CELSR3: variants seen among roughly 807,000 people sequenced by gnomAD.
CELSR3 encodes EGF-like protein 1.
A neutral mutation model predicts 270.0 loss-of-function variants in CELSR3; 73 were observed. The observed-to-expected ratio is 0.27, with a 90% CI of 0.22 to 0.33. The LOEUF (loss-of-function observed/expected upper bound fraction) is 0.33. Among genes scored for constraint, CELSR3 ranks in the 10% least tolerant of loss-of-function variants. The pLI is 1.00. For synonymous variants in CELSR3, 1,780 were observed against 1,905.4 expected (o/e 0.93, Z 1.71); for missense variants, 3,614 against 4,533.8 (o/e 0.80, Z 5.83).
Position 48,661,817 on chromosome 3 carries a change from G to A in CELSR3, c.818C>T (p.Pro273Leu). The A allele has an allele frequency of 6.2e-7, 1 of 1,609,408 alleles. No individual in the cohort carries two copies. Among genetic ancestry groups the A allele is most frequent in the Non-Finnish European group, 8.5e-7 (1 of 1,179,470 alleles). ...RESRTAPEPAPKRMRSRGLFR... is the reference protein window; with the variant it reads ...RESRTAPEPALKRMRSRGLFR... Reference sequence around the variant, plus strand: ...GAGACCCCGGGAGCGCATGCGCTTGGGCGCCGGCTCGGGAGCTGTCCGAGA... The same window carrying A: ...GAGACCCCGGGAGCGCATGCGCTTGAGCGCCGGCTCGGGAGCTGTCCGAGA... The change falls in exon 1 of 35, where the codon CCC (proline) becomes CTC (leucine). Residue 273 changes from proline to leucine, a missense_variant. By Grantham distance (98) the Pro-to-Leu change is moderately conservative (BLOSUM62 -3). Transcript: ENST00000164024.
In CELSR3 at chr3:48,648,249, C is replaced by CCCCCCCCCCCAA; in HGVS notation, c.6973+16_6973+17insTTGGGGGGGGGG. ...GGCCCCCCTGCTGTGCCCCGCCCTA[C>CCCCCCCCCCCAA]CCCACCCACAACGCACTGATATTAG... is the stretch of plus-strand genomic sequence containing the variant. On this transcript the variant is annotated intron_variant, in intron 19 of 34. Transcript: ENST00000164024. 1 of 728,348 alleles carries CCCCCCCCCCCAA rather than the reference C, an allele frequency of 1.4e-6. No individual in the cohort carries two copies. The highest frequency in any genetic ancestry group is 2.3e-6 in the Non-Finnish European group (1 of 433,730). 45.1% of individuals were successfully genotyped at this position (728,348 alleles called of 1,614,324 possible). A position where few individuals can be genotyped will look rare whatever the true frequency, so the allele number is the denominator to read the frequency against.
Position 48,657,156 on chromosome 3 carries a change from TTGAAGA to T in CELSR3, c.3935_3940del (p.Ile1312_Phe1313del). ...CCCTACGTCTGTGTCGTTCTGGATGTTGAAGATGAAGACGTCCTCAGCGGGCGTAGC... is the reference window on the plus strand; with the variant it reads ...CCCTACGTCTGTGTCGTTCTGGATGTTGAAGACGTCCTCAGCGGGCGTAGC... On this transcript the variant is annotated inframe_deletion, in exon 2 of 35. Transcript: ENST00000164024. The surrounding 1 kb of genome is among the most constrained non-coding windows in gnomAD (Gnocchi z 5.4). 6.2e-7 allele frequency: 1 copy of T among 1,614,004 alleles called. No homozygotes were observed. The highest frequency in any genetic ancestry group is 8.5e-7 in the Non-Finnish European group (1 of 1,179,950).
Position 48,658,790 on chromosome 3 carries a change from G to T in CELSR3, c.3748+97C>A. The T allele has an allele frequency of 6.9e-7, 1 of 1,459,688 alleles. No homozygotes were observed. Among genetic ancestry groups the T allele is most frequent in the Non-Finnish European group, 9.3e-7 (1 of 1,069,528 alleles). The allele number at this position is 1,459,688 out of a possible 1,614,324, so 90.4% of individuals were successfully genotyped here. On this transcript the variant is annotated intron_variant, in intron 1 of 34. Transcript: ENST00000164024. The surrounding 1 kb of genome is among the most constrained non-coding windows in gnomAD (Gnocchi z 4.7). ...CCTACCCTTAAGGGGTTCTTGGAAG[G>T]CTTAGAAATCCCTCTTTGGTTTGAG...
At chr3:48,638,468 C>G (rs1005823492) in intron 34 of CELSR3, among the ~76,000 whole-genome samples, 3 of 152,190 alleles carry the variant, frequency 2.0e-5, no homozygotes, top group Non-Finnish European at 4.4e-5. Flanking sequence ...GCTTCAAGAG[C>G]ACCTACTGTT....
chr3:48,644,191 C>T lies in CELSR3; in HGVS notation c.8165+25G>A. ...GAGGGACCTGCCATCCTGAGAAGCCCCCTTCCTCCAGCCAGCCAACTCACA... is the reference window on the plus strand; with the variant it reads ...GAGGGACCTGCCATCCTGAGAAGCCTCCTTCCTCCAGCCAGCCAACTCACA... On this transcript the variant is annotated intron_variant, in intron 27 of 34. Transcript: ENST00000164024. This position sits in a 1 kb window ranked among gnomAD's most constrained non-coding sequence, Gnocchi z 4.8. 6.3e-7 allele frequency: 1 copy of T among 1,595,476 alleles called. No homozygotes were observed. The highest frequency in any genetic ancestry group is 8.6e-7 in the Non-Finnish European group (1 of 1,165,488).
At position 48,644,348 on chromosome 3, in the gene CELSR3, G is replaced by A. The variant is rs2047059679; in HGVS notation, c.8086-53C>T. 5 of 1,538,620 alleles carry A rather than the reference G, an allele frequency of 3.2e-6. No individual in the cohort carries two copies. The highest frequency in any genetic ancestry group is 4.5e-6 in the Non-Finnish European group (5 of 1,113,108). ...CGGGCAGGGCAGAGAGAGAGAGAGA[G>A]AGAGAGGCAATGAGAGACAGAGAGA... On this transcript the variant is annotated intron_variant, in intron 26 of 34. Transcript: ENST00000164024. The surrounding 1 kb of genome is among the most constrained non-coding windows in gnomAD (Gnocchi z 4.8).
chr3:48,659,218 C>T lies in CELSR3; in HGVS notation c.3417G>A (p.Val1139=), dbSNP rs1371120005. 1.9e-6 allele frequency: 3 copies of T among 1,614,074 alleles called. No individual in the cohort carries two copies. Among genetic ancestry groups the T allele is most frequent in the Non-Finnish European group, 2.5e-6 (3 of 1,180,046 alleles). The change falls in exon 1 of 35, where the codon GTG becomes GTA. Residue 1139 remains valine (V), a synonymous_variant. Coordinates refer to ENST00000164024, the MANE Select transcript of CELSR3 (RefSeq NM_001407.3). The surrounding 1 kb of genome is among the most constrained non-coding windows in gnomAD (Gnocchi z 8.1). The stretch of plus-strand genomic sequence containing the variant: ...GAGCAGATGTGGCCTGCACCACAAT[C>T]ACATATTCTTGGCGAGCCTCATAGT... ...DLDYEARQEY[V]IVVQATSAPL... is the part of the protein sequence containing the mutation.
Position 48,643,619 on chromosome 3 carries a change from G to A in CELSR3, c.8224C>T (p.Leu2742Phe). Residue 2742 changes from leucine to phenylalanine, a missense_variant, in exon 28 of 35, where the codon CTC becomes TTC. Physicochemically the swap from Leu to Phe is conservative, Grantham distance 22 (BLOSUM62 0). Around this residue, in one of 7 missense-constraint regions of CELSR3, gnomAD observed 1,240 missense variants for 1,351.7 expected, o/e 0.92. Transcript: ENST00000164024. ...LLVSASWLFG[L>F]LAVNHSILAF... The stretch of plus-strand genomic sequence containing the variant: ...AGGATGCTGTGGTTGACTGCCAGGA[G>A]CCCAAAGAGCCAGGAGGCACTGACC... The A allele has an allele frequency of 6.4e-7, 1 of 1,551,446 alleles. No homozygotes were observed. The highest frequency in any genetic ancestry group is 8.7e-7 in the Non-Finnish European group (1 of 1,147,094).
chr3:48,646,986 A>G lies in CELSR3; in HGVS notation c.7130-58T>C. On this transcript the variant is annotated intron_variant, in intron 20 of 34. Coordinates refer to ENST00000164024, the MANE Select transcript of CELSR3 (RefSeq NM_001407.3). The surrounding 1 kb of genome is among the most constrained non-coding windows in gnomAD (Gnocchi z 4.8). ...GACCTTTGACCCAAAGCACCCACCA[A>G]CCCAGCTCTGAACCCGATCAAGCAT... 3.5e-5 allele frequency: 51 copies of G among 1,441,916 alleles called. No homozygotes were observed. The highest frequency in any genetic ancestry group is 8.1e-5 in the East Asian group (3 of 36,916). 89.3% of individuals were successfully genotyped at this position (1,441,916 alleles called of 1,614,324 possible). A position where few individuals can be genotyped will look rare whatever the true frequency, so the allele number is the denominator to read the frequency against.
In CELSR3 at chr3:48,644,271, C is replaced by A; in HGVS notation, c.8110G>T (p.Ala2704Ser). The change falls in exon 27 of 35, where the codon GCT becomes TCT. Residue 2704 changes from alanine to serine, a missense_variant. Coordinates refer to ENST00000164024, the MANE Select transcript of CELSR3 (RefSeq NM_001407.3). The surrounding 1 kb of genome is among the most constrained non-coding windows in gnomAD (Gnocchi z 4.8). ...CCTGTGGAGCAGGATGTGCGGGCAG[C>A]GAGGAGAAACATGGTCCCGTTCATC... ...IVMNGTMFLL[A>S]ARTSCSTGQR... The A allele has an allele frequency of 6.2e-7, 1 of 1,612,866 alleles. No homozygotes were observed. Among genetic ancestry groups the A allele is most frequent in the South Asian group, 1.1e-5 (1 of 91,068 alleles).
Position 48,654,927 on chromosome 3 carries a change from G to T in CELSR3, c.4988+117C>A. Reference sequence around the variant, plus strand: ...GTCTTTGAGAGGAGAGGGGAATCTTGGTGGTTTGGGGGAAAGATGGGAGAG... The same window carrying T: ...GTCTTTGAGAGGAGAGGGGAATCTTTGTGGTTTGGGGGAAAGATGGGAGAG... On this transcript the variant is annotated intron_variant, in intron 6 of 34. Transcript: ENST00000164024. The surrounding 1 kb of genome is among the most constrained non-coding windows in gnomAD (Gnocchi z 5.4). 1.9e-6 allele frequency: 2 copies of T among 1,064,016 alleles called. No individual in the cohort carries two copies. The highest frequency in any genetic ancestry group is 2.8e-6 in the Non-Finnish European group (2 of 702,858). 65.9% of individuals were successfully genotyped at this position (1,064,016 alleles called of 1,614,324 possible).
Position 48,660,045 on chromosome 3 carries a change from A to C in CELSR3, c.2590T>G (p.Ser864Ala). Residue 864 changes from serine (S) to alanine (A), a missense_variant, in exon 1 of 35, where the codon TCA becomes GCA. Physicochemically the swap from Ser to Ala is moderately conservative, Grantham distance 99. Coordinates refer to ENST00000164024, the MANE Select transcript of CELSR3 (RefSeq NM_001407.3). The surrounding 1 kb of genome is among the most constrained non-coding windows in gnomAD (Gnocchi z 5.5). ...GGCCGATCTTCATTCACACTCACTG[A>C]GTAGTGGGCACTTTGAAAGACCGGC... ...HRPVFQSAHYSVSVNEDRPMG... is the reference protein window; with the variant it reads ...HRPVFQSAHYAVSVNEDRPMG... 1 of 1,614,206 alleles carries C rather than the reference A, an allele frequency of 6.2e-7. No individual in the cohort carries two copies. Among genetic ancestry groups the C allele is most frequent in the South Asian group, 1.1e-5 (1 of 91,082 alleles).
chr3:48,640,901 G>C lies in CELSR3; in HGVS notation c.9026-342C>G, dbSNP rs183359054. The C allele has an allele frequency of 1.6e-3, 690 of 431,912 alleles. 2 individuals are homozygous for C. Among genetic ancestry groups the C allele is most frequent in the Non-Finnish European group, 2.1e-3 (499 of 241,488 alleles). 26.8% of individuals were successfully genotyped at this position (431,912 alleles called of 1,614,324 possible). On this transcript the variant is annotated intron_variant, in intron 33 of 34. Coordinates refer to ENST00000164024, the MANE Select transcript of CELSR3 (RefSeq NM_001407.3). This position sits in a 1 kb window ranked among gnomAD's most constrained non-coding sequence, Gnocchi z 7.5. ...TGGCTGAAATGCAGGAACCCCCCGG[G>C]TTGGACAGGAGCAGTCCCCAGGTCC...
chr3:48,647,702 G>C lies in CELSR3; in HGVS notation c.7129+139C>G. The stretch of plus-strand genomic sequence containing the variant: ...GGAGGGTGGAGGGGAAATATGGGAG[G>C]GAGGGTGGAGGGGAGATGTGGGAGG... On this transcript the variant is annotated intron_variant, in intron 20 of 34. Transcript: ENST00000164024. 7.8e-6 allele frequency: 6 copies of C among 766,566 alleles called. No individual in the cohort carries two copies. In the South Asian group the frequency reaches 1.0e-4, roughly 13 times the overall value. The allele number at this position is 766,566 out of a possible 1,614,324, so 47.5% of individuals were successfully genotyped here.
In CELSR3 at chr3:48,652,327, C is replaced by A; in HGVS notation, c.5751+110G>T. The A allele has an allele frequency of 1.1e-6, 1 of 919,372 alleles. No individual in the cohort carries two copies. 57.0% of individuals were successfully genotyped at this position (919,372 alleles called of 1,614,324 possible). Reference sequence around the variant, plus strand: ...CTAGCTCTCAACTCTGGGTCATTCACCCCCTCGCACCAACCCCCACTTGAA... The same window carrying A: ...CTAGCTCTCAACTCTGGGTCATTCAACCCCTCGCACCAACCCCCACTTGAA... On this transcript the variant is annotated intron_variant, in intron 11 of 34. Coordinates refer to ENST00000164024, the MANE Select transcript of CELSR3 (RefSeq NM_001407.3). This position sits in a 1 kb window ranked among gnomAD's most constrained non-coding sequence, Gnocchi z 4.3.
chr3:48,652,592 C>T lies in CELSR3; in HGVS notation c.5635-39G>A. ...GGCAGTCAGCACTGAGGGAGAGGGG[C>T]CTGATGAACCCCTGTCATAGCCCAG... is the stretch of plus-strand genomic sequence containing the variant. On this transcript the variant is annotated intron_variant, in intron 10 of 34. Coordinates refer to ENST00000164024, the MANE Select transcript of CELSR3 (RefSeq NM_001407.3). This position sits in a 1 kb window ranked among gnomAD's most constrained non-coding sequence, Gnocchi z 4.3. 2 of 1,463,792 alleles carry T rather than the reference C, an allele frequency of 1.4e-6. No individual in the cohort carries two copies. Among genetic ancestry groups the T allele is most frequent in the Non-Finnish European group, 1.9e-6 (2 of 1,065,964 alleles). 90.7% of individuals were successfully genotyped at this position (1,463,792 alleles called of 1,614,324 possible). A position where few individuals can be genotyped will look rare whatever the true frequency, so the allele number is the denominator to read the frequency against.
Position 48,641,386 on chromosome 3 carries a change from G to C in CELSR3, c.8963C>G (p.Pro2988Arg). 2 of 1,612,672 alleles carry C rather than the reference G, an allele frequency of 1.2e-6. No homozygotes were observed. Among genetic ancestry groups the C allele is most frequent in the South Asian group, 2.2e-5 (2 of 91,076 alleles). The change falls in exon 33 of 35, where the codon CCA becomes CGA. Residue 2988 changes from proline (P) to arginine (R), a missense_variant. Physicochemically the swap from Pro to Arg is moderately radical, Grantham distance 103. This residue lies in a region of CELSR3 where 1,240 missense variants were observed against 1,351.7 expected (regional missense o/e 0.92). Coordinates refer to ENST00000164024, the MANE Select transcript of CELSR3 (RefSeq NM_001407.3). The surrounding 1 kb of genome is among the most constrained non-coding windows in gnomAD (Gnocchi z 4.8). ...TSKDAANNNQ[P>R]DPALTSGDET... ...ATCCCCACTGGTCAGGGCCGGGTCT[G>C]GCTGGTTGTTGTTAGCTGCATCCTT...
In CELSR3 at chr3:48,640,483, T is replaced by G. The variant is rs1364916903; in HGVS notation, c.9102A>C (p.Ala3034=). The change falls in exon 34 of 35, where the codon GCA becomes GCC. Residue 3034 remains alanine (A), a synonymous_variant. Coordinates refer to ENST00000164024, the MANE Select transcript of CELSR3 (RefSeq NM_001407.3). This position sits in a 1 kb window ranked among gnomAD's most constrained non-coding sequence, Gnocchi z 7.5. ...RGAPELSWCR[A]ATLGHRAVPA... ...GCACAGCACGGTGGCCCAAGGTGGC[T>G]GCACGGCACCAGGACAGCTCAGGGG... 24 of 1,611,980 alleles carry G rather than the reference T, an allele frequency of 1.5e-5. No homozygotes were observed. The Middle Eastern group carries it at 5.2e-4, about 35-fold the overall frequency.
At position 48,654,560 on chromosome 3, in the gene CELSR3, G is replaced by T. The variant is rs1230303485; in HGVS notation, c.4989-108C>A. Reference sequence around the variant, plus strand: ...AGGACCCAGAGGGTAGGGTGATTGAGGGAGGAAAATAAGGCCGAGCTGTGG... The same window carrying T: ...AGGACCCAGAGGGTAGGGTGATTGATGGAGGAAAATAAGGCCGAGCTGTGG... On this transcript the variant is annotated intron_variant, in intron 6 of 34. Transcript: ENST00000164024. This position sits in a 1 kb window ranked among gnomAD's most constrained non-coding sequence, Gnocchi z 5.4. The T allele has an allele frequency of 2.6e-5, 25 of 970,972 alleles. No homozygotes were observed. Among genetic ancestry groups the T allele is most frequent in the Middle Eastern group, 3.0e-4 (1 of 3,320 alleles). The allele number at this position is 970,972 out of a possible 1,614,324, so 60.1% of individuals were successfully genotyped here.
Sources: gnomAD v4.1 joint callset for allele counts (sites outside exome capture counted in the v4.1 genomes callset) on GRCh38, gnomAD v4.1.1 for gene constraint, gnomAD v4.1.1 regional missense constraint, Gnocchi (gnomAD v3.1) non-coding constraint, MANE v1.5 for transcripts, NCBI Gene and HGNC (gene_info 2026-07-23, HGNC 2026-07-21) for gene names.